Variants in AKAP13 observed in about 807,000 individuals in gnomAD.
AKAP13 encodes A-kinase anchoring protein 13, also known as A-kinase anchor protein 13.
Under a neutral mutation model 264.5 loss-of-function variants are expected in AKAP13, and 80 were observed. That is an observed-to-expected ratio of 0.30 (90% confidence interval 0.25 to 0.36). The LOEUF (loss-of-function observed/expected upper bound fraction) is 0.36. Ranked by LOEUF, AKAP13 falls within the 10% of genes least tolerant of loss-of-function variation. AKAP13 has a pLI of 1.00. For synonymous variants in AKAP13, 1,380 were observed against 1,250.2 expected (o/e 1.10, Z -2.19); for missense variants, 3,712 against 3,435.2 (o/e 1.08, Z -2.01).
chr15:85,441,945 A>G (rs1220036222), intron 1 of AKAP13, among the ~76,000 whole-genome samples: 1 of 152,134 alleles, frequency 6.6e-6, no homozygotes, highest in Non-Finnish European at 1.5e-5. Flanking sequence ...TCTGCCCTTT[A>G]AGAAGATATT....
intron 5 of AKAP13, among the ~76,000 whole-genome samples, chr15:85,568,137 G>C (rs1001861802): frequency 1.1e-4 from 17 of 151,860 alleles, no homozygotes; most frequent in African/African-American, 3.9e-4. Context: ...CGTGTCTCTA[G>C]GAAAAATCCA....
In AKAP13 at chr15:85,543,779, C is replaced by A. The variant is rs1263696601; in HGVS notation, c.486C>A (p.Gly162=). The change falls in exon 5 of 37, where the codon GGC becomes GGA. Residue 162 remains glycine (G), a synonymous_variant. Transcript: ENST00000394518. The stretch of plus-strand genomic sequence containing the variant: ...TTTCTCCCCCATTTACAGATGCTGG[C>A]CCGCGAGAGACATTGATGCATTTTG... ...LGTDQSLHDA[G]PRETLMHFAV... 2 of 1,602,148 alleles carry A rather than the reference C, an allele frequency of 1.2e-6. No homozygotes were observed. The highest frequency in any genetic ancestry group is 3.5e-5 in the Admixed American group (2 of 57,804).
chr15:85,664,830 A>T (rs2083503539), intron 13 of AKAP13, 75 bp downstream of exon 13: 1 of 1,372,618 alleles, frequency 7.3e-7, no homozygotes, highest in African/African-American at 1.5e-5. Context: ...GGCTTCTGGT[A>T]GTATAAGGCT....
chr15:85,639,459 G>A lies in AKAP13; in HGVS notation c.4237+10G>A. 1 of 1,605,376 alleles carries A rather than the reference G, an allele frequency of 6.2e-7. No individual in the cohort carries two copies. The highest frequency in any genetic ancestry group is 8.5e-7 in the Non-Finnish European group (1 of 1,172,742). ...TCCAAGCAGAGCCCAGGTAAGCTGA[G>A]ATTATCCATTCATTTTCTGGAGCTG... On this transcript the variant is annotated intron_variant, in intron 9 of 36. Coordinates refer to ENST00000394518, the MANE Select transcript of AKAP13 (RefSeq NM_007200.5).
At position 85,669,816 on chromosome 15, in the gene AKAP13, A is replaced by G. The variant is rs756227677; in HGVS notation, c.5087A>G (p.His1696Arg). Residue 1696 changes from histidine (H) to arginine (R), a missense_variant, in exon 14 of 37, where the codon CAT becomes CGT. His to Arg is a conservative substitution (Grantham distance 29). Around this residue, in one of 3 missense-constraint regions of AKAP13, gnomAD observed 2,759 missense variants for 2,411.7 expected, o/e 1.14. Transcript: ENST00000394518. Reference protein sequence around the residue: ...TKSISLMTISHPGLDNSRPFH... With the variant: ...TKSISLMTISRPGLDNSRPFH... The stretch of plus-strand genomic sequence containing the variant: ...TCCATCTCATTAATGACAATCAGCC[A>G]TCCTGGATTGGACAGTGAGTATACT... 1.9e-6 allele frequency: 3 copies of G among 1,607,886 alleles called. No homozygotes were observed. The highest frequency in any genetic ancestry group is 3.3e-5 in the Admixed American group (2 of 60,012).
intron 2 of AKAP13, among the ~76,000 whole-genome samples, chr15:85,493,622 A>AT (rs1253462748): frequency 6.6e-6 from 1 of 152,192 alleles, no homozygotes; most frequent in African/African-American, 2.4e-5. Context: ...AATAGTGCCT[A>AT]TATCTCTCCA....
At chr15:85,521,962 A>AAT (rs2076838310) in intron 3 of AKAP13, among the ~76,000 whole-genome samples, 1 of 152,196 alleles carries the variant, frequency 6.6e-6, no homozygotes, top group Non-Finnish European at 1.5e-5. Context: ...ACAGGGAATA[A>AAT]AAGAAGGTAG....
At chr15:85,674,870 A>ATG (rs2084136406) in intron 14 of AKAP13, among the ~76,000 whole-genome samples, 1 of 151,950 alleles carries the variant, frequency 6.6e-6, no homozygotes, top group Non-Finnish European at 1.5e-5. Flanking sequence ...GTGAATATAT[A>ATG]TATATATTCT....
intron 1 of AKAP13, among the ~76,000 whole-genome samples, chr15:85,387,396 TA>T (rs1350730611): frequency 6.6e-6 from 1 of 152,184 alleles, no homozygotes; most frequent in African/African-American, 2.4e-5. Context: ...AGTGGTAGGA[TA>T]ACCACTCACT....
intron 11 of AKAP13, among the ~76,000 whole-genome samples, chr15:85,658,022 GT>G (rs1485106360): frequency 1.3e-5 from 2 of 152,076 alleles, no homozygotes; most frequent in Non-Finnish European, 2.9e-5. Context: ...TCTCAGTTCA[GT>G]TCTAGACTGA....
At chr15:85,400,551 GTTC>G (rs377372790) in intron 1 of AKAP13, among the ~76,000 whole-genome samples, 26 of 152,186 alleles carry the variant, frequency 1.7e-4, no homozygotes, top group African/African-American at 5.1e-4. Flanking sequence ...TTGAAACTGT[GTTC>G]TTGACTTTAA....
At chr15:85,710,502 G>A in intron 18 of AKAP13, 77 bp from the exon 19 acceptor site, 2 of 1,423,262 alleles carry the variant, frequency 1.4e-6, no homozygotes, top group Non-Finnish European at 2.0e-6. Flanking sequence ...AAGCTGAACT[G>A]CTTGCTCCCT....
intron 2 of AKAP13, among the ~76,000 whole-genome samples, chr15:85,490,735 G>T (rs1046335171): frequency 2.0e-5 from 3 of 152,174 alleles, no homozygotes; most frequent in Non-Finnish European, 4.4e-5. Context: ...TTTGTGCCAA[G>T]ACCTGTTCTG....
At chr15:85,693,118 TAAAAAAACAAAAC>T in intron 16 of AKAP13, 146 bp from the exon 17 acceptor site, 4 of 1,310,788 alleles carry the variant, frequency 3.1e-6, no homozygotes, top group Non-Finnish European at 3.9e-6. Context: ...CGCCTTAATT[TAAAAAAACAAAAC>T]AAAACACTTT....
chr15:85,466,080 G>T (rs2074728253), intron 1 of AKAP13, among the ~76,000 whole-genome samples: 1 of 152,220 alleles, frequency 6.6e-6, no homozygotes, highest in African/African-American at 2.4e-5. Flanking sequence ...TTGTGGTTCT[G>T]ATTTGCATTT....
intron 8 of AKAP13, among the ~76,000 whole-genome samples, chr15:85,622,792 T>G (rs2081252620): frequency 6.6e-6 from 1 of 152,216 alleles, no homozygotes; most frequent in South Asian, 2.1e-4. Context: ...GTTGGACTGT[T>G]TTCAAAGTCC....
intron 4 of AKAP13, chr15:85,534,669 C>T (rs182302000): frequency 6.6e-6 from 1 of 151,734 alleles, no homozygotes; most frequent in East Asian, 1.9e-4. Flanking sequence ...AACTCCTGAC[C>T]TCAGGTAATC....
intron 1 of AKAP13, among the ~76,000 whole-genome samples, chr15:85,384,550 C>G (rs1245125511): frequency 2.0e-5 from 3 of 152,204 alleles, no homozygotes; most frequent in South Asian, 4.2e-4. Context: ...AACCACATCT[C>G]TACTAAAAAT....
At position 85,669,819 on chromosome 15, in the gene AKAP13, C is replaced by T; in HGVS notation, c.5090C>T (p.Pro1697Leu). 2 of 1,603,946 alleles carry T rather than the reference C, an allele frequency of 1.2e-6. No homozygotes were observed. The highest frequency in any genetic ancestry group is 1.7e-6 in the Non-Finnish European group (2 of 1,170,928). ...ATCTCATTAATGACAATCAGCCATC[C>T]TGGATTGGACAGTGAGTATACTACT... ...KSISLMTISH[P>L]GLDNSRPFHS... The change falls in exon 14 of 37, where the codon CCT (proline) becomes CTT (leucine). Residue 1697 changes from proline to leucine, a missense_variant. Pro to Leu is a moderately conservative substitution (Grantham distance 98). Coordinates refer to ENST00000394518, the MANE Select transcript of AKAP13 (RefSeq NM_007200.5).
Sources: allele counts gnomAD v4.1 joint callset (sites outside exome capture counted in the v4.1 genomes callset), GRCh38; gene constraint gnomAD v4.1.1; regional missense constraint gnomAD v4.1.1; transcripts MANE v1.5; gene names NCBI Gene and HGNC (gene_info 2026-07-23, HGNC 2026-07-21).